The following KAZN variants were observed in gnomAD, a reference collection of about 807,000 sequenced individuals.
KAZN encodes kazrin, periplakin interacting protein.
Under a neutral mutation model 87.4 loss-of-function variants are expected in KAZN, and 40 were observed. That is an observed-to-expected ratio of 0.46 (90% CI 0.36 to 0.60). The LOEUF (loss-of-function observed/expected upper bound fraction) is 0.60. Ranked by LOEUF, KAZN falls within the 20% of genes least tolerant of loss-of-function variation. KAZN has a pLI of 0.00. For synonymous variants in KAZN, 466 were observed against 458.3 expected, an observed-to-expected ratio of 1.02 and a Z score of -0.22; for missense variants, 898 against 1,073.9, an observed-to-expected ratio of 0.84 and a Z score of 2.29.
intron 2 of KAZN, among the ~76,000 whole-genome samples, chr1:14,282,627 C>T (rs1405992389): frequency 2.0e-5 from 3 of 152,166 alleles, no homozygotes; most frequent in Non-Finnish European, 1.5e-5. Context: ...TGGAGACCGA[C>T]CCTCTTACCA....
intron 1 of KAZN, among the ~76,000 whole-genome samples, chr1:14,008,608 G>T (rs544491337): frequency 6.6e-6 from 1 of 152,190 alleles, no homozygotes. Flanking sequence ...GGCAAGTAAA[G>T]AGATAATTAC....
At chr1:14,782,877 G>A (rs893628245) in intron 1 of KAZN, among the ~76,000 whole-genome samples, 1 of 152,084 alleles carries the variant, frequency 6.6e-6, no homozygotes, top group Non-Finnish European at 1.5e-5. Context: ...CAGCAGGCCT[G>A]GCGGCATCTG....
chr1:14,055,701 G>A (rs1410960063), intron 1 of KAZN, among the ~76,000 whole-genome samples: 1 of 152,170 alleles, frequency 6.6e-6, no homozygotes, highest in Non-Finnish European at 1.5e-5. Flanking sequence ...TAGATTTTCA[G>A]TTCCTCTGCC....
At chr1:13,980,151 T>C (rs556767719) in intron 1 of KAZN, among the ~76,000 whole-genome samples, 33 of 152,006 alleles carry the variant, frequency 2.2e-4, no homozygotes, top group African/African-American at 7.7e-4. Context: ...TGCAATAATA[T>C]ACACATGAGA....
upstream of KAZN, among the ~76,000 whole-genome samples, chr1:14,595,679 T>C (rs1309128214): frequency 1.1e-4 from 5 of 44,570 alleles, no homozygotes; most frequent in Non-Finnish European, 1.8e-4. Flanking sequence ...AGACTGCGTC[T>C]CAAAAAAAAA....
intron 2 of KAZN, among the ~76,000 whole-genome samples, chr1:14,562,181 A>G (rs984159513): frequency 6.6e-6 from 1 of 152,196 alleles, no homozygotes; most frequent in Non-Finnish European, 1.5e-5. Flanking sequence ...GCTAATTTGG[A>G]GCTATTCATG....
chr1:14,661,988 G>GTGAT (rs1639206783), intron 1 of KAZN, among the ~76,000 whole-genome samples: 2 of 152,210 alleles, frequency 1.3e-5, no homozygotes, highest in Admixed American at 1.3e-4. Context: ...TGTTAGCCGT[G>GTGAT]TGATCTTGAG....
intron 2 of KAZN, among the ~76,000 whole-genome samples, chr1:14,421,569 G>A (rs551214218): frequency 1.3e-5 from 2 of 152,176 alleles, no homozygotes; most frequent in African/African-American, 2.4e-5. Flanking sequence ...AGACATTGTG[G>A]GTTCAATAAA....
At chr1:14,354,285 G>A (rs6685167) in intron 2 of KAZN, among the ~76,000 whole-genome samples, 3,600 of 152,192 alleles carry the variant, frequency 0.024, 137 homozygotes, top group African/African-American at 0.081. Flanking sequence ...GTTCCTTAGA[G>A]AGGATGCAGA....
At chr1:14,914,923 G>T (rs1417306984) in intron 1 of KAZN, among the ~76,000 whole-genome samples, 1 of 152,134 alleles carries the variant, frequency 6.6e-6, no homozygotes, top group Non-Finnish European at 1.5e-5. Flanking sequence ...AGGCGCGGTG[G>T]CTCACGCCTA....
intron 2 of KAZN, among the ~76,000 whole-genome samples, chr1:14,552,501 G>A (rs1673601677): frequency 6.6e-6 from 1 of 152,242 alleles, no homozygotes. Context: ...GCGGTTGCCA[G>A]GGAAACTGCT....
intron 1 of KAZN, among the ~76,000 whole-genome samples, chr1:13,958,472 G>T (rs1373013876): frequency 9.2e-5 from 14 of 151,682 alleles, no homozygotes; most frequent in Admixed American, 9.2e-4. Flanking sequence ...TATTCGGGAG[G>T]CTGAGGCAGG....
At chr1:15,009,419 T>C (rs1669361519) in intron 2 of KAZN, among the ~76,000 whole-genome samples, 3 of 152,198 alleles carry the variant, frequency 2.0e-5, no homozygotes, top group African/African-American at 7.2e-5. Flanking sequence ...GAGGGTTGCC[T>C]GGGAACAGGC....
intron 2 of KAZN, among the ~76,000 whole-genome samples, chr1:14,484,109 T>C (rs910909374): frequency 1.3e-5 from 2 of 152,230 alleles, no homozygotes; most frequent in Non-Finnish European, 2.9e-5. Flanking sequence ...TCTATTCTGT[T>C]CTGACGGTCT....
intron 1 of KAZN, among the ~76,000 whole-genome samples, chr1:14,851,663 G>T (rs948619838): frequency 2.0e-5 from 3 of 152,226 alleles, no homozygotes; most frequent in Non-Finnish European, 4.4e-5. Flanking sequence ...CCACCTGGGC[G>T]TTGACTTATC....
At chr1:14,951,084 A>G (rs1662422592) in intron 1 of KAZN, among the ~76,000 whole-genome samples, 1 of 152,214 alleles carries the variant, frequency 6.6e-6, no homozygotes, top group African/African-American at 2.4e-5. Flanking sequence ...ATTTCAGTCA[A>G]TCTCAACACA....
chr1:14,566,003 A>T (rs4306122), intron 2 of KAZN, among the ~76,000 whole-genome samples: 1 of 152,184 alleles, frequency 6.6e-6, no homozygotes, highest in Non-Finnish European at 1.5e-5. Flanking sequence ...ACCTTCTCCC[A>T]TGAATTACAA....
rs543913786 is a variant in KAZN at position 15,020,593 on chromosome 1, T to C, written c.419-14156T>C. Reference sequence around the variant, plus strand: ...GTCCGTGTGGCTCTTCTGCGTCACGTGTGGCCATCGTTCATTCATTCTCAC... The same window carrying C: ...GTCCGTGTGGCTCTTCTGCGTCACGCGTGGCCATCGTTCATTCATTCTCAC... On this transcript the variant is annotated intron_variant, in intron 2 of 14. Coordinates refer to ENST00000376030, the MANE Select transcript of KAZN (RefSeq NM_201628.3). 3.1e-3 allele frequency among the ~76,000 whole-genome samples: 475 copies of C among 152,280 alleles called. 2 individuals are homozygous for C. The highest frequency in any genetic ancestry group is 5.4e-3 in the Non-Finnish European group (368 of 68,024).
At chr1:14,393,304 A>C (rs956367247) in intron 2 of KAZN, among the ~76,000 whole-genome samples, 1 of 152,206 alleles carries the variant, frequency 6.6e-6, no homozygotes, top group Non-Finnish European at 1.5e-5. Flanking sequence ...CACTTCTGCA[A>C]AGAACAAAGT....
Sources: allele counts gnomAD v4.1 joint callset (sites outside exome capture counted in the v4.1 genomes callset), GRCh38; gene constraint gnomAD v4.1.1; transcripts MANE v1.5; gene names NCBI Gene and HGNC (gene_info 2026-07-23, HGNC 2026-07-21).